The following MACROD2 variants were observed in gnomAD, a reference collection of about 807,000 sequenced individuals.
MACROD2 encodes the protein mono-ADP ribosylhydrolase 2.
Under a neutral mutation model 70.4 loss-of-function variants are expected in MACROD2, and 36 were observed. The ratio of observed to expected loss-of-function variants is 0.51; its 90% CI spans 0.39 to 0.68. MACROD2 has a LOEUF of 0.68. MACROD2 is among the 30% of genes least tolerant of loss of function. The pLI, the probability that MACROD2 is intolerant of heterozygous loss-of-function variation, is 0.00. For synonymous variants in MACROD2, 172 were observed against 178.8 expected (o/e 0.96, Z 0.30); for missense variants, 496 against 538.4 (o/e 0.92, Z 0.78).
chr20:14,811,097 C>G (rs1023464648), intron 5 of MACROD2, among the ~76,000 whole-genome samples: 1 of 152,000 alleles, frequency 6.6e-6, no homozygotes, highest in African/African-American at 2.4e-5. Flanking sequence ...CTTTAAATTT[C>G]ATATGGAAAC....
chr20:15,608,131 T>C (rs1568925885), intron 8 of MACROD2, among the ~76,000 whole-genome samples: 2 of 152,068 alleles, frequency 1.3e-5, no homozygotes. Flanking sequence ...ACTTTGTAGA[T>C]TGCGAGATAT....
intron 6 of MACROD2, among the ~76,000 whole-genome samples, chr20:15,282,404 A>G (rs541130470): frequency 1.3e-5 from 2 of 152,312 alleles, no homozygotes; most frequent in Admixed American, 1.3e-4. Context: ...ATAAGTTCCA[A>G]TTCCAAACCA....
chr20:15,232,850 T>C (rs1447589934), intron 6 of MACROD2, among the ~76,000 whole-genome samples: 1 of 152,096 alleles, frequency 6.6e-6, no homozygotes, highest in East Asian at 1.9e-4. Flanking sequence ...ATCCAACATA[T>C]ATATTCTTAT....
chr20:14,744,932 CACT>C (rs1346082882), intron 5 of MACROD2, among the ~76,000 whole-genome samples: 1 of 152,108 alleles, frequency 6.6e-6, no homozygotes, highest in Non-Finnish European at 1.5e-5. Flanking sequence ...TTTTTTCAGC[CACT>C]AAGTTTTGGG....
At chr20:15,445,722 T>C (rs1356639789) in intron 7 of MACROD2, among the ~76,000 whole-genome samples, 1 of 152,150 alleles carries the variant, frequency 6.6e-6, no homozygotes, top group Non-Finnish European at 1.5e-5. Flanking sequence ...CATAGGCTCT[T>C]AGAACTGAAA....
chr20:14,019,565 G>A (rs928783810), intron 2 of MACROD2, among the ~76,000 whole-genome samples: 6 of 152,068 alleles, frequency 3.9e-5, no homozygotes, highest in Non-Finnish European at 5.9e-5. Context: ...GAGCCACTGC[G>A]CCTAGCTGGG....
chr20:16,020,957 T>C (rs1269367961), intron 15 of MACROD2, among the ~76,000 whole-genome samples: 1 of 152,144 alleles, frequency 6.6e-6, no homozygotes, highest in African/African-American at 2.4e-5. Flanking sequence ...AATTACATTG[T>C]TTAGAAAACA....
intron 10 of MACROD2, chr20:15,893,548 T>G: frequency 2.7e-6 from 1 of 364,844 alleles, no homozygotes. Flanking sequence ...AATGACACGG[T>G]CTCTCTTTTA....
intron 8 of MACROD2, among the ~76,000 whole-genome samples, chr20:15,596,887 T>C (rs937390895): frequency 3.3e-5 from 5 of 152,214 alleles, no homozygotes; most frequent in Admixed American, 2.6e-4. Context: ...GCATATTCTC[T>C]CAATGGCAGT....
intron 3 of MACROD2, among the ~76,000 whole-genome samples, chr20:14,275,544 G>A (rs1299970499): frequency 6.6e-6 from 1 of 151,376 alleles, no homozygotes; most frequent in African/African-American, 2.4e-5. Context: ...GAAAACCTAG[G>A]CATTACCATT....
intron 3 of MACROD2, among the ~76,000 whole-genome samples, chr20:14,322,198 A>T (rs1239246255): frequency 7.4e-6 from 1 of 134,770 alleles, no homozygotes; most frequent in South Asian, 2.3e-4. Flanking sequence ...ATATATATAT[A>T]TATTTTGTAT....
chr20:15,044,247 G>A (rs1236571671), intron 5 of MACROD2, among the ~76,000 whole-genome samples: 1 of 152,140 alleles, frequency 6.6e-6, no homozygotes, highest in Non-Finnish European at 1.5e-5. Flanking sequence ...TGTGGTTAAA[G>A]AGCCTTATTA....
chr20:15,377,729 T>C (rs894683833), intron 6 of MACROD2, among the ~76,000 whole-genome samples: 2 of 152,352 alleles, frequency 1.3e-5, no homozygotes, highest in African/African-American at 4.8e-5. Context: ...AATTGATTCA[T>C]ATACATGGGA....
intron 5 of MACROD2, among the ~76,000 whole-genome samples, chr20:15,078,461 C>T (rs928513943): frequency 6.6e-6 from 1 of 152,120 alleles, no homozygotes; most frequent in Non-Finnish European, 1.5e-5. Context: ...AAGTAAACTG[C>T]TCAGGATGAC....
At chr20:14,501,787 G>GT (rs577959061) in intron 4 of MACROD2, among the ~76,000 whole-genome samples, 24 of 152,224 alleles carry the variant, frequency 1.6e-4, no homozygotes, top group Non-Finnish European at 3.4e-4. Flanking sequence ...AAATACGTTG[G>GT]TAAAAATTCT....
At chr20:15,247,860 G>C (rs1273426836) in intron 6 of MACROD2, among the ~76,000 whole-genome samples, 1 of 152,112 alleles carries the variant, frequency 6.6e-6, no homozygotes, top group African/African-American at 2.4e-5. Context: ...AGTAGGCCTG[G>C]CTAATTTTTG....
chr20:15,732,659 C>T (rs1410112335), intron 8 of MACROD2, among the ~76,000 whole-genome samples: 1 of 11,782 alleles, frequency 8.5e-5, no homozygotes, highest in African/African-American at 4.2e-4. Flanking sequence ...AAATTCTACT[C>T]AGTTGTGTAT....
At chr20:14,583,576 C>CTT (rs1379460176) in intron 4 of MACROD2, among the ~76,000 whole-genome samples, 2 of 152,124 alleles carry the variant, frequency 1.3e-5, no homozygotes, top group South Asian at 2.1e-4. Flanking sequence ...GCCTCAGGCT[C>CTT]TGATTTCAGA....
chr20:14,648,630 A>G (rs866036893), intron 4 of MACROD2, among the ~76,000 whole-genome samples: 1 of 151,754 alleles, frequency 6.6e-6, no homozygotes. Flanking sequence ...ACATATATAT[A>G]TATATATCTA....
Sources: allele counts gnomAD v4.1 joint callset (sites outside exome capture counted in the v4.1 genomes callset), GRCh38; gene constraint gnomAD v4.1.1; transcripts MANE v1.5; gene names NCBI Gene and HGNC (gene_info 2026-07-23, HGNC 2026-07-21).